The following SCHIP1 variants were observed in gnomAD, a reference collection of about 807,000 sequenced individuals.
SCHIP1 encodes the protein schwannomin interacting protein 1.
Under a neutral mutation model 29.7 loss-of-function variants are expected in SCHIP1, and 8 were observed. That is an observed-to-expected ratio of 0.27 (90% CI 0.16 to 0.49). SCHIP1 has a LOEUF of 0.49. Ranked by LOEUF, SCHIP1 falls within the 20% of genes least tolerant of loss-of-function variation. SCHIP1 has a pLI of 0.99. For missense variants in SCHIP1, 193 were observed against 294.6 expected (o/e 0.66, Z 2.52); for synonymous variants, 76 against 94.9 (o/e 0.80, Z 1.16).
chr3:159,855,812 T>C (rs1185508004), intron 1 of SCHIP1, among the ~76,000 whole-genome samples: 1 of 152,188 alleles, frequency 6.6e-6, no homozygotes, highest in Non-Finnish European at 1.5e-5. Context: ...GGGATTATTT[T>C]ACAGGGTTGT....
chr3:159,621,946 G>A, the SCHIP1 span, among the ~76,000 whole-genome samples: 7 of 152,288 alleles, frequency 4.6e-5, no homozygotes, highest in East Asian at 7.7e-4. Flanking sequence ...GATTACAGGC[G>A]TGAGCCACTG....
At chr3:159,662,252 C>T in the SCHIP1 span, among the ~76,000 whole-genome samples, 1 of 152,212 alleles carries the variant, frequency 6.6e-6, no homozygotes, top group Non-Finnish European at 1.5e-5. Context: ...TAGGGGCTAC[C>T]TGTTTCTGCA....
chr3:159,723,907 T>C, the SCHIP1 span, among the ~76,000 whole-genome samples: 1 of 152,250 alleles, frequency 6.6e-6, no homozygotes, highest in African/African-American at 2.4e-5. Flanking sequence ...TGAATCTTCA[T>C]TTTCCATATT....
the SCHIP1 span, among the ~76,000 whole-genome samples, chr3:159,593,924 T>C: frequency 6.6e-6 from 1 of 152,152 alleles, no homozygotes; most frequent in Non-Finnish European, 1.5e-5. Flanking sequence ...TAGGGAGATG[T>C]GATTCTCTCC....
chr3:159,622,875 G>C, the SCHIP1 span, among the ~76,000 whole-genome samples: 3 of 152,094 alleles, frequency 2.0e-5, no homozygotes, highest in Non-Finnish European at 4.4e-5. Flanking sequence ...CAGAGATTGT[G>C]CCACTGCACT....
the SCHIP1 span, among the ~76,000 whole-genome samples, chr3:159,591,911 T>C: frequency 5.3e-5 from 8 of 151,256 alleles, no homozygotes; most frequent in African/African-American, 2.0e-4. Context: ...TTTCTGCACA[T>C]GTATCCCCGA....
chr3:159,423,753 T>G, the SCHIP1 span, among the ~76,000 whole-genome samples: 2 of 152,058 alleles, frequency 1.3e-5, no homozygotes, highest in Non-Finnish European at 2.9e-5. Flanking sequence ...GCAGACTGCC[T>G]CCTCAAGTGG....
chr3:159,351,094 TCAGA>T, the SCHIP1 span, among the ~76,000 whole-genome samples: 136 of 152,316 alleles, frequency 8.9e-4, no homozygotes, highest in African/African-American at 2.7e-3. Context: ...CCCAAGATTC[TCAGA>T]CAACCAATGG....
chr3:159,279,601 C>T, the SCHIP1 span, among the ~76,000 whole-genome samples: 1 of 152,124 alleles, frequency 6.6e-6, no homozygotes, highest in Admixed American at 6.5e-5. Context: ...ACCCACAGTT[C>T]CTGTTGCTGT....
At chr3:159,596,730 A>G in the SCHIP1 span, among the ~76,000 whole-genome samples, 2 of 151,198 alleles carry the variant, frequency 1.3e-5, no homozygotes, top group African/African-American at 4.8e-5. Context: ...GTTCTCACTT[A>G]TAGGTGGGAA....
the SCHIP1 span, among the ~76,000 whole-genome samples, chr3:159,414,994 AG>A: frequency 2.0e-5 from 3 of 152,158 alleles, no homozygotes; most frequent in Admixed American, 1.3e-4. Context: ...TCTGCAGCCC[AG>A]GGGTCGCAGA....
At chr3:159,578,441 TA>T in the SCHIP1 span, among the ~76,000 whole-genome samples, 1 of 152,204 alleles carries the variant, frequency 6.6e-6, no homozygotes, top group Non-Finnish European at 1.5e-5. Flanking sequence ...TTAGTGTGTT[TA>T]ATGTGACTAA....
the SCHIP1 span, among the ~76,000 whole-genome samples, chr3:159,683,110 G>C: frequency 6.6e-6 from 1 of 152,048 alleles, no homozygotes; most frequent in Non-Finnish European, 1.5e-5. Flanking sequence ...GTCTTGCTCT[G>C]TTGCCCAGGC....
chr3:159,626,185 TAG>T, the SCHIP1 span, among the ~76,000 whole-genome samples: 28 of 112,250 alleles, frequency 2.5e-4, no homozygotes, highest in African/African-American at 1.6e-3. Flanking sequence ...TCTATCTAGA[TAG>T]ATAGATAGAT....
At chr3:159,534,926 A>C in the SCHIP1 span, among the ~76,000 whole-genome samples, 1 of 152,150 alleles carries the variant, frequency 6.6e-6, no homozygotes, top group African/African-American at 2.4e-5. Context: ...AAAATCTGAC[A>C]AACATTTCGC....
the SCHIP1 span, among the ~76,000 whole-genome samples, chr3:159,582,233 T>A: frequency 6.6e-6 from 1 of 152,140 alleles, no homozygotes; most frequent in South Asian, 2.1e-4. Flanking sequence ...TGCAGTGGTA[T>A]GATCATAGCT....
At chr3:159,699,287 T>C in the SCHIP1 span, among the ~76,000 whole-genome samples, 2 of 152,232 alleles carry the variant, frequency 1.3e-5, no homozygotes. Flanking sequence ...TTACAAACTA[T>C]GAAATTGGGA....
At chr3:159,448,714 T>G in the SCHIP1 span, among the ~76,000 whole-genome samples, 2 of 152,114 alleles carry the variant, frequency 1.3e-5, no homozygotes, top group African/African-American at 4.8e-5. Context: ...TTTTGTAGAT[T>G]GTGTCATCCC....
the SCHIP1 span, among the ~76,000 whole-genome samples, chr3:159,432,441 T>C: frequency 6.6e-6 from 1 of 152,028 alleles, no homozygotes; most frequent in Admixed American, 6.6e-5. Flanking sequence ...AAGTCATACA[T>C]GTTCACTTCT....
Sources: allele counts gnomAD v4.1 joint callset (sites outside exome capture counted in the v4.1 genomes callset), GRCh38; gene constraint gnomAD v4.1.1; transcripts MANE v1.5; gene names NCBI Gene and HGNC (gene_info 2026-07-23, HGNC 2026-07-21).